The following FSTL5 variants were observed in gnomAD, a reference collection of about 807,000 sequenced individuals.
FSTL5 encodes the protein follistatin like 5, also known as follistatin-related protein 5.
FSTL5 carries 62 observed loss-of-function variants against 89.1 expected under a neutral mutation model. That is an observed-to-expected ratio of 0.70 (90% CI 0.57 to 0.86). The LOEUF is 0.86. Ranked by LOEUF, FSTL5 falls within the 40% of genes least tolerant of loss-of-function variation. FSTL5 has a pLI of 0.00. For synonymous variants in FSTL5, 383 were observed against 346.2 expected (o/e 1.11, Z -1.18); for missense variants, 1,057 against 1,001.6 (o/e 1.06, Z -0.75).
intron 15 of FSTL5, among the ~76,000 whole-genome samples, chr4:161,395,971 C>A (rs528662618): frequency 6.6e-6 from 1 of 152,226 alleles, no homozygotes; most frequent in East Asian, 1.9e-4. Context: ...GTAGTCCTCT[C>A]CCACACTGAC....
intron 7 of FSTL5, among the ~76,000 whole-genome samples, chr4:161,645,123 C>G (rs368163951): frequency 5.9e-5 from 9 of 151,844 alleles, no homozygotes; most frequent in African/African-American, 2.2e-4. Context: ...TTTGGAATTT[C>G]TCAGGGTAAA....
At chr4:161,881,107 C>G (rs148456676) in intron 4 of FSTL5, among the ~76,000 whole-genome samples, 1 of 151,002 alleles carries the variant, frequency 6.6e-6, no homozygotes, top group African/African-American at 2.4e-5. Context: ...ATTAACAAAA[C>G]TTTATTCCAA....
In FSTL5 at chr4:162,163,681, T is replaced by TTA. The variant is rs1561054289; in HGVS notation, c.-84_-83insTA. 1 of 135,890 alleles carries TTA rather than the reference T, an allele frequency of 7.4e-6. No individual in the cohort carries two copies. The highest frequency in any genetic ancestry group is 2.7e-5 in the African/African-American group (1 of 36,996). 8.4% of individuals were successfully genotyped at this position (135,890 alleles called of 1,614,324 possible). ...AACGCTGTGGAAATATAAATCACAATAAAAAAAAAAAACTCTCAAAAGATC... is the reference window on the plus strand; with the variant it reads ...AACGCTGTGGAAATATAAATCACAATTAAAAAAAAAAAAACTCTCAAAAGATC... On this transcript the variant is annotated 5_prime_UTR_variant, in exon 1 of 16. Transcript: ENST00000306100.
At chr4:161,862,980 C>G (rs1480548557) in intron 4 of FSTL5, among the ~76,000 whole-genome samples, 1 of 152,112 alleles carries the variant, frequency 6.6e-6, no homozygotes, top group Non-Finnish European at 1.5e-5. Context: ...CTGATTTGAT[C>G]AAATTGGCTA....
chr4:161,476,288 A>G (rs1734147245), intron 13 of FSTL5, among the ~76,000 whole-genome samples: 1 of 147,892 alleles, frequency 6.8e-6, no homozygotes, highest in Admixed American at 6.9e-5. Flanking sequence ...CCCGAGTTCA[A>G]GCGATTCTCC....
At chr4:161,848,051 A>C (rs973224331) in intron 4 of FSTL5, among the ~76,000 whole-genome samples, 97 of 150,048 alleles carry the variant, frequency 6.5e-4, no homozygotes, top group African/African-American at 1.8e-3. Context: ...AAAAAAAAAA[A>C]AAAAAAAAAA....
At chr4:161,704,839 T>G (rs1439301440) in intron 6 of FSTL5, among the ~76,000 whole-genome samples, 1 of 152,130 alleles carries the variant, frequency 6.6e-6, no homozygotes, top group East Asian at 1.9e-4. Flanking sequence ...TGAGACCATC[T>G]TCTTTCTCAT....
intron 8 of FSTL5, among the ~76,000 whole-genome samples, chr4:161,559,868 T>C (rs894755382): frequency 6.6e-6 from 1 of 151,860 alleles, no homozygotes; most frequent in East Asian, 1.9e-4. Context: ...ACCTAAGCTA[T>C]ATGGTATAGC....
rs1268681180 is a variant in FSTL5 at position 161,529,121 on chromosome 4, G to C, written c.1312+9045C>G. Among the ~76,000 whole-genome samples, 2 of 143,140 alleles carry C rather than the reference G, an allele frequency of 1.4e-5. 1 individual carries two copies. Among genetic ancestry groups the C allele is most frequent in the Non-Finnish European group, 3.1e-5 (2 of 65,216 alleles). The allele number at this position is 143,140 out of a possible 152,430, so 93.9% of individuals were successfully genotyped here. On this transcript the variant is annotated intron_variant, in intron 10 of 15. Transcript: ENST00000306100. ...CTTATTTTGTTGTGTAGACAATAAA[G>C]ATGCCCAGTAGTTTACGGTTGCTGA...
chr4:161,909,294 G>C (rs1197590356), intron 4 of FSTL5, among the ~76,000 whole-genome samples: 1 of 152,068 alleles, frequency 6.6e-6, no homozygotes, highest in East Asian at 1.9e-4. Flanking sequence ...GCATCTATGA[G>C]AGATGAAAAA....
chr4:161,457,730 T>G lies in FSTL5; in HGVS notation c.1716+1482A>C, dbSNP rs181429421. ...TATTAAAATAATTTATAAGAATATT[T>G]TCTAAAAAATCATATATATATTGAC... On this transcript the variant is annotated intron_variant, in intron 14 of 15. Transcript: ENST00000306100. Among the ~76,000 whole-genome samples the G allele has an allele frequency of 2.0e-4, 31 of 152,232 alleles. No homozygotes were observed. In the East Asian group the frequency reaches 4.2e-3, roughly 21 times the overall value.
chr4:162,140,726 A>G (rs1732695778), intron 1 of FSTL5, among the ~76,000 whole-genome samples: 1 of 152,170 alleles, frequency 6.6e-6, no homozygotes, highest in South Asian at 2.1e-4. Context: ...ATGTAGAAAT[A>G]GCGCTGACTT....
At chr4:161,446,498 A>G (rs1732952253) in intron 15 of FSTL5, among the ~76,000 whole-genome samples, 1 of 152,166 alleles carries the variant, frequency 6.6e-6, no homozygotes, top group South Asian at 2.1e-4. Context: ...TTCATAAAGT[A>G]AGATGCTATA....
chr4:161,455,670 T>C (rs2126402390), intron 14 of FSTL5, among the ~76,000 whole-genome samples: 1 of 152,294 alleles, frequency 6.6e-6, no homozygotes, highest in African/African-American at 2.4e-5. Flanking sequence ...AATAATGAAT[T>C]GTTTTTTAAA....
chr4:161,949,501 G>C (rs1271209966), intron 3 of FSTL5, among the ~76,000 whole-genome samples: 1 of 151,758 alleles, frequency 6.6e-6, no homozygotes, highest in Non-Finnish European at 1.5e-5. Context: ...TGATTCAATG[G>C]TTTACTGCAT....
chr4:161,417,031 T>C (rs972011154), intron 15 of FSTL5, among the ~76,000 whole-genome samples: 4 of 152,182 alleles, frequency 2.6e-5, no homozygotes, highest in African/African-American at 9.7e-5. Context: ...CTTGGGTTTT[T>C]ATTTAGAAGA....
intron 7 of FSTL5, among the ~76,000 whole-genome samples, chr4:161,598,679 A>G (rs1734123103): frequency 6.6e-6 from 1 of 152,104 alleles, no homozygotes; most frequent in Non-Finnish European, 1.5e-5. Flanking sequence ...CTAGATAGCC[A>G]TGTCACATGT....
intron 2 of FSTL5, among the ~76,000 whole-genome samples, chr4:162,079,368 G>A (rs1204715624): frequency 6.6e-6 from 1 of 151,584 alleles, no homozygotes; most frequent in East Asian, 1.9e-4. Context: ...GAAGGGAAGA[G>A]GAAAGTATGG....
intron 4 of FSTL5, among the ~76,000 whole-genome samples, chr4:161,779,520 A>G (rs1369092242): frequency 1.3e-5 from 2 of 151,568 alleles, no homozygotes; most frequent in African/African-American, 2.4e-5. Flanking sequence ...GAAAATCAAT[A>G]TGATTACTAC....
Sources: allele counts gnomAD v4.1 joint callset (sites outside exome capture counted in the v4.1 genomes callset), GRCh38; gene constraint gnomAD v4.1.1; transcripts MANE v1.5; gene names NCBI Gene and HGNC (gene_info 2026-07-23, HGNC 2026-07-21).